DIP2A: variants seen among roughly 807,000 people sequenced by gnomAD.
The protein encoded by DIP2A is DIP2 acetate--CoA ligase A.
Under a neutral mutation model 177.4 loss-of-function variants are expected in DIP2A, and 85 were observed. The ratio of observed to expected loss-of-function variants is 0.48; its 90% confidence interval spans 0.40 to 0.57. The LOEUF is 0.57. DIP2A is among the 20% of genes least tolerant of loss of function. The pLI is 0.00. For missense variants in DIP2A, 1,791 were observed against 2,100.2 expected, an observed-to-expected ratio of 0.85 and a Z score of 2.88; for synonymous variants, 886 against 881.8, an observed-to-expected ratio of 1.00 and a Z score of -0.08.
chr21:46,496,982 G>T lies in DIP2A; in HGVS notation c.284-6G>T. The T allele has an allele frequency of 6.2e-7, 1 of 1,611,198 alleles. No homozygotes were observed. Among genetic ancestry groups the T allele is most frequent in the East Asian group, 2.2e-5 (1 of 44,842 alleles). ...AAGTATTTTTACTGCTGTCCTTCCT[G>T]TGTAGATGTCCACACTGAAGCCGTG... On this transcript the variant is annotated splice_region_variant and splice_polypyrimidine_tract_variant and intron_variant, in intron 3 of 37. Transcript: ENST00000417564.
intron 7 of DIP2A, 57 bp from the exon 8 acceptor site, chr21:46,511,360 A>C (rs2058303209): frequency 1.3e-6 from 2 of 1,493,550 alleles, no homozygotes; most frequent in East Asian, 4.9e-5. Context: ...GCTTAAAAAC[A>C]GAATGTGTTC....
chr21:46,558,382 A>G lies in DIP2A; in HGVS notation c.3958A>G (p.Ile1320Val), dbSNP rs960329032. The part of the protein sequence containing the change: ...TTFGCRVNVA[I>V]CLQGTAGPDP... ...GTTCGGGTGCAGGGTCAACGTGGCC[A>G]TCTGCCTCCAGGTGAGGTGCCTGGG... Residue 1320 changes from isoleucine to valine, a missense_variant, in exon 32 of 38, where the codon ATC becomes GTC. Coordinates refer to ENST00000417564, the MANE Select transcript of DIP2A (RefSeq NM_015151.4). The G allele has an allele frequency of 6.4e-7, 1 of 1,574,146 alleles. No individual in the cohort carries two copies.
intron 3 of DIP2A, among the ~76,000 whole-genome samples, chr21:46,495,244 T>TTCTCTTCTCTTCTCTTCTTTC (rs2057275285): frequency 1.0e-4 from 4 of 38,204 alleles, no homozygotes; most frequent in Non-Finnish European, 1.5e-4. Context: ...CTTCTCTTCT[T>TTCTCTTCTCTTCTCTTCTTTC]TCTCTCTCTC....
chr21:46,525,019 G>T (rs892109010), intron 8 of DIP2A, among the ~76,000 whole-genome samples: 4 of 151,342 alleles, frequency 2.6e-5, no homozygotes, highest in African/African-American at 4.9e-5. Flanking sequence ...CCAAGTAGCT[G>T]GGAGTACAGG....
chr21:46,562,630 T>G (rs1286664984), intron 34 of DIP2A, among the ~76,000 whole-genome samples: 2 of 151,754 alleles, frequency 1.3e-5, no homozygotes, highest in African/African-American at 4.8e-5. Flanking sequence ...GGTCTCGAGG[T>G]GGGAGCTACA....
chr21:46,561,264 C>A (rs1312559817), intron 33 of DIP2A: 2 of 265,834 alleles, frequency 7.5e-6, no homozygotes, highest in Non-Finnish European at 7.3e-6. Flanking sequence ...CTGGCAAGAA[C>A]GTTTCTTACC....
intron 32 of DIP2A, chr21:46,558,703 TTAAGA>T: frequency 2.7e-6 from 1 of 369,834 alleles, no homozygotes; most frequent in East Asian, 6.6e-5. Flanking sequence ...ACTTACTGTT[TTAAGA>T]TATCTAGCAA....
At chr21:46,477,749 T>G (rs2056026124) in intron 1 of DIP2A, among the ~76,000 whole-genome samples, 1 of 124,776 alleles carries the variant, frequency 8.0e-6, no homozygotes. Flanking sequence ...AATTTTTTTG[T>G]TTTGTTTTTT....
At chr21:46,516,434 G>A (rs1160174315) in intron 8 of DIP2A, among the ~76,000 whole-genome samples, 1 of 125,740 alleles carries the variant, frequency 8.0e-6, no homozygotes, top group African/African-American at 2.9e-5. Context: ...ACTTCAATTT[G>A]TATATTTTCT....
intron 8 of DIP2A, among the ~76,000 whole-genome samples, chr21:46,517,254 T>C (rs1192469179): frequency 1.3e-5 from 2 of 151,858 alleles, no homozygotes; most frequent in African/African-American, 2.4e-5. Flanking sequence ...TTATTTTCTT[T>C]TTTTTATAGA....
intron 5 of DIP2A, among the ~76,000 whole-genome samples, chr21:46,503,125 C>T (rs2057746744): frequency 6.6e-6 from 1 of 151,982 alleles, no homozygotes; most frequent in South Asian, 2.1e-4. Context: ...GAGTTCAAGA[C>T]CAGCTTGGCC....
At chr21:46,562,594 C>T (rs1051924375) in intron 34 of DIP2A, among the ~76,000 whole-genome samples, 12 of 152,160 alleles carry the variant, frequency 7.9e-5, no homozygotes, top group African/African-American at 2.4e-4. Flanking sequence ...GGTGAGACTG[C>T]GGACAGAAGG....
chr21:46,575,086 AGT>A, the DIP2A span, among the ~76,000 whole-genome samples: 1 of 152,168 alleles, frequency 6.6e-6, no homozygotes, highest in East Asian at 1.9e-4. Flanking sequence ...AGCATTACAA[AGT>A]GGGGTTTACT....
At chr21:46,572,503 T>C (rs893321283), downstream of DIP2A, among the ~76,000 whole-genome samples, 2 of 152,118 alleles carry the variant, frequency 1.3e-5, no homozygotes, top group Non-Finnish European at 2.9e-5. Flanking sequence ...TAAGAGGTGA[T>C]TGGATTAATC....
Position 46,504,363 on chromosome 21 carries a change from C to A in DIP2A, c.658C>A (p.Leu220Met). ...AGLEAHTHID[L>M]HSAPPDVTTG... is the part of the protein sequence containing the mutation. Reference sequence around the variant, plus strand: ...TTGGGTGTGTTTTTCAAAAGCAGATCTGCATTCTGCCCCTCCTGATGTCAC... The same window carrying A: ...TTGGGTGTGTTTTTCAAAAGCAGATATGCATTCTGCCCCTCCTGATGTCAC... Residue 220 changes from leucine (L) to methionine (M), a missense_variant and splice_region_variant, in exon 6 of 38, where the codon CTG becomes ATG. Transcript: ENST00000417564. 1.9e-6 allele frequency: 3 copies of A among 1,613,820 alleles called. No homozygotes were observed. Among genetic ancestry groups the A allele is most frequent in the Non-Finnish European group, 8.5e-7 (1 of 1,179,794 alleles).
At chr21:46,581,775 G>T in the DIP2A span, among the ~76,000 whole-genome samples, 1 of 152,154 alleles carries the variant, frequency 6.6e-6, no homozygotes, top group Non-Finnish European at 1.5e-5. Context: ...AGTGTCACCA[G>T]TGGAGGCTGT....
intron 21 of DIP2A, 80 bp downstream of exon 21, chr21:46,547,122 G>A (rs553088848): frequency 9.7e-6 from 15 of 1,546,924 alleles, no homozygotes; most frequent in African/African-American, 4.1e-5. Context: ...TAGATGGAAA[G>A]CCCAGCAAAC....
chr21:46,553,866 A>C (rs2060358104), intron 25 of DIP2A: 1 of 234,898 alleles, frequency 4.3e-6, no homozygotes. Flanking sequence ...GATGGTGAGA[A>C]AAGACACCAG....
intron 21 of DIP2A, among the ~76,000 whole-genome samples, chr21:46,549,370 A>G (rs1265779438): frequency 6.6e-6 from 1 of 152,258 alleles, no homozygotes; most frequent in Non-Finnish European, 1.5e-5. Flanking sequence ...AACACGTCTA[A>G]ATATACTAAT....
Sources: gnomAD v4.1 joint callset for allele counts (sites outside exome capture counted in the v4.1 genomes callset) on GRCh38, gnomAD v4.1.1 for gene constraint, MANE v1.5 for transcripts, NCBI Gene and HGNC (gene_info 2026-07-23, HGNC 2026-07-21) for gene names.